Variants in PARD3B observed in about 807,000 individuals in gnomAD.
PARD3B encodes the protein par-3 family cell polarity regulator beta, also known as partitioning defective 3 homolog B.
In PARD3B, 103 loss-of-function variants were observed where a neutral mutation model predicts 130.2. That is an observed-to-expected ratio of 0.79 (90% CI 0.67 to 0.93). The LOEUF (loss-of-function observed/expected upper bound fraction) is 0.93, where lower values mean the gene tolerates loss of function less well. Among genes scored for constraint, PARD3B ranks in the 40% least tolerant of loss-of-function variants. The probability of loss-of-function intolerance (pLI) is 0.00; values close to 1 mark genes in which losing one functional copy is unlikely to be tolerated. For missense variants in PARD3B, 1,609 were observed against 1,499.2 expected, an observed-to-expected ratio of 1.07 and a Z score of -1.21; for synonymous variants, 583 against 553.2, an observed-to-expected ratio of 1.05 and a Z score of -0.76.
chr2:204,752,595 A>C (rs1315455022), intron 2 of PARD3B, among the ~76,000 whole-genome samples: 2 of 152,144 alleles, frequency 1.3e-5, no homozygotes, highest in Non-Finnish European at 2.9e-5. Flanking sequence ...TCATTATTCC[A>C]ATGGTGTAAC....
intron 2 of PARD3B, among the ~76,000 whole-genome samples, chr2:204,698,524 T>G (rs934573681): frequency 6.6e-6 from 1 of 152,068 alleles, no homozygotes; most frequent in Admixed American, 6.6e-5. Context: ...TTTTAAAGTC[T>G]TTGTTATCCT....
At chr2:205,143,614 A>T (rs1315155113) in intron 10 of PARD3B, among the ~76,000 whole-genome samples, 1 of 152,188 alleles carries the variant, frequency 6.6e-6, no homozygotes, top group Admixed American at 6.5e-5. Flanking sequence ...CGGGAGAGGA[A>T]CACTTGGAAG....
chr2:204,703,825 T>G (rs2038008020), intron 2 of PARD3B, among the ~76,000 whole-genome samples: 1 of 152,112 alleles, frequency 6.6e-6, no homozygotes, highest in Non-Finnish European at 1.5e-5. Flanking sequence ...ATAAAGAAAA[T>G]TCATATTTTA....
intron 2 of PARD3B, among the ~76,000 whole-genome samples, chr2:204,861,485 T>C (rs929675101): frequency 2.4e-4 from 36 of 152,174 alleles, no homozygotes; most frequent in Non-Finnish European, 4.3e-4. Context: ...GTTTAAATTT[T>C]TGGTATCTCA....
intron 2 of PARD3B, among the ~76,000 whole-genome samples, chr2:204,736,855 C>G (rs2039778997): frequency 6.6e-6 from 1 of 152,206 alleles, no homozygotes; most frequent in African/African-American, 2.4e-5. Context: ...ATTCTCCATA[C>G]TGTTTTTCAT....
intron 21 of PARD3B, among the ~76,000 whole-genome samples, chr2:205,524,964 C>G (rs113563794): frequency 1.3e-5 from 2 of 152,300 alleles, no homozygotes; most frequent in Non-Finnish European, 2.9e-5. Context: ...AGTAAATTGT[C>G]TATGCTCACA....
chr2:204,699,799 A>G (rs2037805154), intron 2 of PARD3B, among the ~76,000 whole-genome samples: 1 of 152,164 alleles, frequency 6.6e-6, no homozygotes, highest in African/African-American at 2.4e-5. Flanking sequence ...AAGGAAGTTA[A>G]GTAGTTACAA....
At chr2:205,057,394 GTA>G (rs1240019375) in intron 4 of PARD3B, among the ~76,000 whole-genome samples, 3 of 131,780 alleles carry the variant, frequency 2.3e-5, no homozygotes, top group Non-Finnish European at 4.9e-5. Flanking sequence ...ATATATACAT[GTA>G]TATGTGTTAT....
intron 2 of PARD3B, among the ~76,000 whole-genome samples, chr2:204,893,459 C>T (rs182652108): frequency 2.6e-5 from 4 of 151,512 alleles, no homozygotes; most frequent in Admixed American, 1.3e-4. Flanking sequence ...TTTTTTTTTG[C>T]ATGATAGATT....
chr2:204,640,963 A>G (rs1050497623), intron 1 of PARD3B, among the ~76,000 whole-genome samples: 1 of 147,958 alleles, frequency 6.8e-6, no homozygotes, highest in African/African-American at 2.5e-5. Flanking sequence ...TTTACTGTAT[A>G]TATAATATAT....
At chr2:204,577,671 A>G (rs2032336947) in intron 1 of PARD3B, among the ~76,000 whole-genome samples, 1 of 152,202 alleles carries the variant, frequency 6.6e-6, no homozygotes, top group Non-Finnish European at 1.5e-5. Context: ...ACCTGGGTTC[A>G]AAGGATATTC....
chr2:205,258,164 C>A lies in PARD3B; in HGVS notation c.2185+12342C>A, dbSNP rs1363563462. On this transcript the variant is annotated intron_variant, in intron 16 of 22. Coordinates refer to ENST00000406610, the MANE Select transcript of PARD3B (RefSeq NM_001302769.2). This position sits in a 1 kb window ranked among gnomAD's most constrained non-coding sequence, Gnocchi z 4.9. ...GGAAAGCCTTACCAGATGCAGTCAG[C>A]TTTGACTTTTTCCTCTCTTAAGCCC... is the stretch of plus-strand genomic sequence containing the variant. 6.6e-6 allele frequency among the ~76,000 whole-genome samples: 1 copy of A among 152,128 alleles called. No individual in the cohort carries two copies. Among genetic ancestry groups the A allele is most frequent in the Non-Finnish European group, 1.5e-5 (1 of 68,022 alleles).
intron 18 of PARD3B, among the ~76,000 whole-genome samples, chr2:205,326,824 G>C (rs2042953938): frequency 6.6e-6 from 1 of 152,130 alleles, no homozygotes; most frequent in South Asian, 2.1e-4. Context: ...GAAATAAGTA[G>C]TACATTCTTG....
At chr2:204,900,966 A>G (rs2046831764) in intron 2 of PARD3B, among the ~76,000 whole-genome samples, 1 of 151,910 alleles carries the variant, frequency 6.6e-6, no homozygotes, top group Non-Finnish European at 1.5e-5. Flanking sequence ...TTTTCTCCCA[A>G]ACAATTGGAG....
At chr2:205,012,018 C>A (rs1695754324) in intron 3 of PARD3B, among the ~76,000 whole-genome samples, 1 of 152,154 alleles carries the variant, frequency 6.6e-6, no homozygotes, top group Non-Finnish European at 1.5e-5. Flanking sequence ...CCATCAGCCC[C>A]ACCCTGACCT....
At chr2:205,364,321 G>C (rs778070318) in intron 18 of PARD3B, among the ~76,000 whole-genome samples, 1 of 152,002 alleles carries the variant, frequency 6.6e-6, no homozygotes, top group African/African-American at 2.4e-5. Flanking sequence ...CCTCTTTTTT[G>C]TTAGTCTTGA....
In PARD3B at chr2:205,500,016, G is replaced by C. The variant is rs763090578; in HGVS notation, c.3165G>C (p.Glu1055Asp). The change falls in exon 21 of 23, where the codon GAG (glutamate) becomes GAC (aspartate). Residue 1055 changes from glutamate to aspartate, a missense_variant. Coordinates refer to ENST00000406610, the MANE Select transcript of PARD3B (RefSeq NM_001302769.2). The part of the protein sequence containing the change: ...EDDEGRARPS[E>D]YDLLWVPGRG... ...ACGAAGGAAGAGCAAGGCCATCTGA[G>C]TATGACCTACTCTGGGTAAGCGCAT... 1 of 1,613,692 alleles carries C rather than the reference G, an allele frequency of 6.2e-7. No homozygotes were observed. Among genetic ancestry groups the C allele is most frequent in the Non-Finnish European group, 8.5e-7 (1 of 1,179,712 alleles).
chr2:204,676,008 C>G (rs1460564771), intron 1 of PARD3B, among the ~76,000 whole-genome samples: 1 of 150,412 alleles, frequency 6.6e-6, no homozygotes, highest in African/African-American at 2.5e-5. Flanking sequence ...GGTTCCCTGT[C>G]TTTAAAATAA....
chr2:205,088,073 T>G (rs971295976), intron 4 of PARD3B, among the ~76,000 whole-genome samples: 1 of 152,186 alleles, frequency 6.6e-6, no homozygotes, highest in Non-Finnish European at 1.5e-5. Context: ...AGGTAAATAG[T>G]GTCAGGCTCT....
Sources: gnomAD v4.1 joint callset for allele counts (sites outside exome capture counted in the v4.1 genomes callset) on GRCh38, gnomAD v4.1.1 for gene constraint, Gnocchi (gnomAD v3.1) non-coding constraint, MANE v1.5 for transcripts, NCBI Gene and HGNC (gene_info 2026-07-23, HGNC 2026-07-21) for gene names.